The following GPATCH2 variants were observed in gnomAD, a reference collection of about 807,000 sequenced individuals.
The protein encoded by GPATCH2 is G-patch domain containing 2.
Under a neutral mutation model 58.0 loss-of-function variants are expected in GPATCH2, and 51 were observed. The observed-to-expected ratio is 0.88, with a 90% CI of 0.70 to 1.11. The LOEUF is 1.11. GPATCH2 is among the 50% of genes most tolerant of loss of function. The pLI is 0.00. For missense variants in GPATCH2, 625 were observed against 652.2 expected (o/e 0.96, Z 0.45); for synonymous variants, 222 against 218.5 (o/e 1.02, Z -0.14).
chr1:217,572,909 G>A (rs114840870), intron 5 of GPATCH2, among the ~76,000 whole-genome samples: 2,607 of 152,296 alleles, frequency 0.017, 82 homozygotes, highest in African/African-American at 0.06. Flanking sequence ...TTAGCAAAGA[G>A]TGTTTAAGCA....
intron 2 of GPATCH2, among the ~76,000 whole-genome samples, chr1:217,616,863 TAG>T (rs909448036): frequency 4.6e-5 from 7 of 152,190 alleles, no homozygotes; most frequent in Admixed American, 2.0e-4. Context: ...ATATTTTCCG[TAG>T]AGTCCTCTTT....
chr1:217,449,231 A>G lies in GPATCH2; in HGVS notation c.1366+18T>C, dbSNP rs778423293. On this transcript the variant is annotated intron_variant, in intron 9 of 9. Coordinates refer to ENST00000366935, the MANE Select transcript of GPATCH2 (RefSeq NM_018040.5). ...AACTCTACATTTGTGCTCCACTCTA[A>G]CCCTGCTTTTGTTTTACCTGCAGTA... is the stretch of plus-strand genomic sequence containing the variant. 1.5e-6 allele frequency: 2 copies of G among 1,371,958 alleles called. No homozygotes were observed. Among genetic ancestry groups the G allele is most frequent in the Non-Finnish European group, 2.1e-6 (2 of 958,908 alleles). 85.0% of individuals were successfully genotyped at this position (1,371,958 alleles called of 1,614,324 possible).
At chr1:217,475,101 C>T (rs1202183074) in intron 8 of GPATCH2, among the ~76,000 whole-genome samples, 1 of 152,104 alleles carries the variant, frequency 6.6e-6, no homozygotes, top group East Asian at 1.9e-4. Context: ...AAAAAATATG[C>T]ACTCACAAAC....
intron 8 of GPATCH2, among the ~76,000 whole-genome samples, chr1:217,488,835 A>G (rs1661575564): frequency 6.6e-6 from 1 of 151,554 alleles, no homozygotes; most frequent in Admixed American, 6.6e-5. Context: ...GGGACTACAG[A>G]CATGCACCGC....
intron 5 of GPATCH2, among the ~76,000 whole-genome samples, chr1:217,590,946 G>A (rs1379533935): frequency 2.0e-5 from 3 of 152,116 alleles, no homozygotes; most frequent in Non-Finnish European, 4.4e-5. Flanking sequence ...AGAGAATTCA[G>A]GTATGAAAAT....
intron 5 of GPATCH2, among the ~76,000 whole-genome samples, chr1:217,522,063 CAT>C (rs1208671042): frequency 6.6e-6 from 1 of 152,154 alleles, no homozygotes; most frequent in Admixed American, 6.5e-5. Flanking sequence ...TATACATACA[CAT>C]ATAGTTGTAT....
intron 5 of GPATCH2, among the ~76,000 whole-genome samples, chr1:217,584,757 A>C (rs1667260672): frequency 6.6e-6 from 1 of 152,178 alleles, no homozygotes; most frequent in Non-Finnish European, 1.5e-5. Flanking sequence ...TAGAAGGAAA[A>C]AAAACTTTTA....
chr1:217,522,024 C>A (rs1663489028), intron 5 of GPATCH2, among the ~76,000 whole-genome samples: 1 of 152,118 alleles, frequency 6.6e-6, no homozygotes, highest in Admixed American at 6.5e-5. Flanking sequence ...TATGAAATGA[C>A]AGAATGAAAA....
rs568575009 is a variant in GPATCH2 at position 217,478,759 on chromosome 1, T to C, written c.1277+12921A>G. 1.4e-4 allele frequency among the ~76,000 whole-genome samples: 21 copies of C among 152,238 alleles called. No individual in the cohort carries two copies. The South Asian group carries it at 4.3e-3, about 32-fold the overall frequency. On this transcript the variant is annotated intron_variant, in intron 8 of 9. Coordinates refer to ENST00000366935, the MANE Select transcript of GPATCH2 (RefSeq NM_018040.5). ...TTAAACCTAGAGAAAGATATCAATA[T>C]GTAAGTCCAAGAAGGTTATAGAACA... is the stretch of plus-strand genomic sequence containing the variant.
intron 9 of GPATCH2, among the ~76,000 whole-genome samples, chr1:217,434,275 TTGTG>T (rs1430041801): frequency 6.6e-6 from 1 of 152,220 alleles, no homozygotes; most frequent in Non-Finnish European, 1.5e-5. Flanking sequence ...TGAATGTGTG[TTGTG>T]TGTGACAGTG....
At chr1:217,624,469 A>T (rs925825988) in intron 1 of GPATCH2, among the ~76,000 whole-genome samples, 10 of 152,218 alleles carry the variant, frequency 6.6e-5, no homozygotes, top group Admixed American at 2.0e-4. Flanking sequence ...GTGAGCCAAG[A>T]TCATGCCACT....
At chr1:217,543,269 G>GTTTT (rs397860651) in intron 5 of GPATCH2, among the ~76,000 whole-genome samples, 20 of 105,714 alleles carry the variant, frequency 1.9e-4, no homozygotes, top group Non-Finnish European at 2.5e-4. Flanking sequence ...TGATGCGAAC[G>GTTTT]TTTTTTTTTT....
At chr1:217,553,891 G>A (rs527360058) in intron 5 of GPATCH2, among the ~76,000 whole-genome samples, 1 of 152,260 alleles carries the variant, frequency 6.6e-6, no homozygotes, top group South Asian at 2.1e-4. Context: ...AACCAAGAGA[G>A]AACCAAACAG....
At chr1:217,577,478 T>C (rs1292491925) in intron 5 of GPATCH2, among the ~76,000 whole-genome samples, 3 of 152,206 alleles carry the variant, frequency 2.0e-5, no homozygotes, top group African/African-American at 4.8e-5. Flanking sequence ...ATCCAAGTTA[T>C]ATGGTAGTGT....
At chr1:217,588,828 A>C (rs1049494774) in intron 5 of GPATCH2, among the ~76,000 whole-genome samples, 1 of 152,220 alleles carries the variant, frequency 6.6e-6, no homozygotes, top group African/African-American at 2.4e-5. Context: ...AAGGGAGATA[A>C]CAATTTCATG....
In GPATCH2 at chr1:217,449,354, G is replaced by A. The variant is rs769965071; in HGVS notation, c.1278-17C>T. 1.4e-6 allele frequency: 2 copies of A among 1,436,898 alleles called. No individual in the cohort carries two copies. The highest frequency in any genetic ancestry group is 2.0e-6 in the Non-Finnish European group (2 of 1,019,732). The allele number at this position is 1,436,898 out of a possible 1,614,324, so 89.0% of individuals were successfully genotyped here. ...CTTGTTTGCCTACGAATAATTATCA[G>A]AAAAAACTATTAACAAAGAAGAAAA... is the stretch of plus-strand genomic sequence containing the variant. On this transcript the variant is annotated splice_polypyrimidine_tract_variant and intron_variant, in intron 8 of 9. Coordinates refer to ENST00000366935, the MANE Select transcript of GPATCH2 (RefSeq NM_018040.5).
chr1:217,529,596 T>G (rs1490249927), intron 5 of GPATCH2, among the ~76,000 whole-genome samples: 3 of 152,208 alleles, frequency 2.0e-5, no homozygotes, highest in Admixed American at 1.3e-4. Context: ...ATTCTCAGCA[T>G]GCACAACTGT....
Position 217,510,896 on chromosome 1 carries a change from C to T in GPATCH2, c.1166+3926G>A, listed in dbSNP as rs187370014. 8.8e-3 allele frequency among the ~76,000 whole-genome samples: 1,341 copies of T among 152,096 alleles called. 8 individuals carry two copies. The highest frequency in any genetic ancestry group is 0.044 in the Middle Eastern group (13 of 294). On this transcript the variant is annotated intron_variant, in intron 6 of 9. Coordinates refer to ENST00000366935, the MANE Select transcript of GPATCH2 (RefSeq NM_018040.5). ...TCACCTGCAGTCAGGAGTTTGAGAC[C>T]AGCCTGGCCAACATGGTGAAACCCT...
chr1:217,552,222 T>C (rs1328882446), intron 5 of GPATCH2, among the ~76,000 whole-genome samples: 1 of 152,082 alleles, frequency 6.6e-6, no homozygotes, highest in African/African-American at 2.4e-5. Flanking sequence ...TTGTAAAACC[T>C]CTCTTAACAG....
Sources: gnomAD v4.1 joint callset for allele counts (sites outside exome capture counted in the v4.1 genomes callset) on GRCh38, gnomAD v4.1.1 for gene constraint, MANE v1.5 for transcripts, NCBI Gene and HGNC (gene_info 2026-07-23, HGNC 2026-07-21) for gene names.